The following RPTOR variants were observed in gnomAD, a reference collection of about 807,000 sequenced individuals.
RPTOR encodes regulatory associated protein of MTOR complex 1, also known as regulatory-associated protein of mTOR.
Under a neutral mutation model 169.9 loss-of-function variants are expected in RPTOR, and 21 were observed. That is an observed-to-expected ratio of 0.12 (90% CI 0.09 to 0.18). RPTOR has a LOEUF of 0.18. RPTOR is among the 10% of genes least tolerant of loss of function. RPTOR has a pLI of 1.00. For missense variants in RPTOR, 1,133 were observed against 1,855.9 expected, an observed-to-expected ratio of 0.61 and a Z score of 7.16; for synonymous variants, 732 against 753.2, an observed-to-expected ratio of 0.97 and a Z score of 0.46.
chr17:80,759,410 C>T (rs960640053), intron 6 of RPTOR, among the ~76,000 whole-genome samples: 5 of 152,062 alleles, frequency 3.3e-5, no homozygotes, highest in Non-Finnish European at 5.9e-5. Context: ...CAAACTGATA[C>T]AGTTACCATA....
At chr17:80,917,938 G>A (rs969231811) in intron 21 of RPTOR, among the ~76,000 whole-genome samples, 84 of 152,240 alleles carry the variant, frequency 5.5e-4, no homozygotes, top group Middle Eastern at 3.4e-3. Context: ...AGCCACGGGC[G>A]TGCACACCCT....
At position 80,760,300 on chromosome 17, in the gene RPTOR, C is replaced by CTTTTTTTTTTTT. The variant is rs1479994551; in HGVS notation, c.830+6121_830+6122insTTTTTTTTTTTT. ...GTGTTCCAGTCGAGCTTTCTTTTTT[C>CTTTTTTTTTTTT]TTTTTTCTTTTTTTTTTTTTTGAGA... On this transcript the variant is annotated intron_variant, in intron 6 of 33. Transcript: ENST00000306801. 3.6e-4 allele frequency among the ~76,000 whole-genome samples: 35 copies of CTTTTTTTTTTTT among 96,496 alleles called. 1 individual carries two copies. The highest frequency in any genetic ancestry group is 6.3e-4 in the East Asian group (2 of 3,182). The allele number at this position is 96,496 out of a possible 152,430, so 63.3% of individuals were successfully genotyped here.
intron 3 of RPTOR, among the ~76,000 whole-genome samples, chr17:80,666,380 CA>C (rs2143666125): frequency 6.6e-6 from 1 of 152,286 alleles, no homozygotes; most frequent in African/African-American, 2.4e-5. Context: ...AGTGCTAGGA[CA>C]AGCTACCGCT....
chr17:80,785,651 G>A (rs1240645658), intron 6 of RPTOR, among the ~76,000 whole-genome samples: 1 of 152,154 alleles, frequency 6.6e-6, no homozygotes, highest in East Asian at 1.9e-4. Flanking sequence ...CTACATTGCT[G>A]GAGGAATGTT....
chr17:80,617,742 G>A (rs1015525813), intron 1 of RPTOR, among the ~76,000 whole-genome samples: 4 of 152,114 alleles, frequency 2.6e-5, no homozygotes, highest in Admixed American at 2.6e-4. Flanking sequence ...GATTATCGAC[G>A]ACTAAAGAAC....
intron 5 of RPTOR, among the ~76,000 whole-genome samples, chr17:80,741,517 G>C (rs895128559): frequency 8.5e-5 from 13 of 152,242 alleles, no homozygotes; most frequent in African/African-American, 3.1e-4. Context: ...TGGAGCAGCT[G>C]TCTCCCGAGC....
At chr17:80,612,154 T>G (rs76704328) in intron 1 of RPTOR, among the ~76,000 whole-genome samples, 14,814 of 152,236 alleles carry the variant, frequency 0.097, 797 homozygotes, top group Middle Eastern at 0.13. Context: ...TTAAGGGAAG[T>G]GTTCTCACTC....
intron 2 of RPTOR, among the ~76,000 whole-genome samples, chr17:80,631,863 T>C (rs1293606037): frequency 6.6e-6 from 1 of 152,128 alleles, no homozygotes; most frequent in Non-Finnish European, 1.5e-5. Flanking sequence ...TGCTTGAGCT[T>C]GGGAGGTCGA....
intron 13 of RPTOR, among the ~76,000 whole-genome samples, chr17:80,859,906 G>A (rs2067898404): frequency 6.6e-6 from 1 of 152,242 alleles, no homozygotes; most frequent in Non-Finnish European, 1.5e-5. Context: ...TAGCTGCCAT[G>A]CGAGGGGCCG....
chr17:80,798,100 G>A (rs1283059440), intron 7 of RPTOR, among the ~76,000 whole-genome samples: 1 of 152,198 alleles, frequency 6.6e-6, no homozygotes, highest in Non-Finnish European at 1.5e-5. Context: ...CTGGGACCAG[G>A]GTGCTTGAGG....
chr17:80,737,562 G>T (rs1470570262), intron 5 of RPTOR, among the ~76,000 whole-genome samples: 2 of 152,158 alleles, frequency 1.3e-5, no homozygotes, highest in African/African-American at 4.8e-5. Context: ...ACCACTCCAG[G>T]CTTGGGCATG....
chr17:80,937,194 T>G (rs764977479), intron 24 of RPTOR, among the ~76,000 whole-genome samples: 1 of 152,150 alleles, frequency 6.6e-6, no homozygotes, highest in Non-Finnish European at 1.5e-5. Context: ...GAGCGTTTAA[T>G]GTGTTAGCGA....
At chr17:80,559,303 C>T (rs544722534) in intron 1 of RPTOR, among the ~76,000 whole-genome samples, 2 of 152,294 alleles carry the variant, frequency 1.3e-5, no homozygotes, top group Admixed American at 1.3e-4. Flanking sequence ...CTGTCATGCT[C>T]ATTTGATCCA....
At chr17:80,608,760 A>T (rs971810722) in intron 1 of RPTOR, among the ~76,000 whole-genome samples, 3 of 152,014 alleles carry the variant, frequency 2.0e-5, no homozygotes, top group African/African-American at 7.3e-5. Flanking sequence ...GCAGTAGCTG[A>T]CCGTGTTGGT....
intron 9 of RPTOR, among the ~76,000 whole-genome samples, chr17:80,827,250 AG>A (rs1186321210): frequency 6.6e-6 from 1 of 152,220 alleles, no homozygotes; most frequent in Non-Finnish European, 1.5e-5. Flanking sequence ...TAGAATTTGA[AG>A]GTGGAAACAG....
chr17:80,760,414 G>A (rs1349775681), intron 6 of RPTOR, among the ~76,000 whole-genome samples: 3 of 144,520 alleles, frequency 2.1e-5, no homozygotes, highest in African/African-American at 7.7e-5. Context: ...CGATTCTCCT[G>A]CCTCAGCCTC....
At chr17:80,824,399 G>A (rs1023705995) in intron 9 of RPTOR, among the ~76,000 whole-genome samples, 1 of 152,268 alleles carries the variant, frequency 6.6e-6, no homozygotes, top group East Asian at 1.9e-4. Flanking sequence ...AGCTGTAAAA[G>A]AGACAGGTGT....
chr17:80,739,910 T>C (rs962208831), intron 5 of RPTOR, among the ~76,000 whole-genome samples: 3 of 151,552 alleles, frequency 2.0e-5, no homozygotes, highest in Admixed American at 6.6e-5. Flanking sequence ...TAAAATAAAC[T>C]GAAAGCAGTC....
intron 6 of RPTOR, among the ~76,000 whole-genome samples, chr17:80,788,477 A>G (rs959412949): frequency 1.3e-5 from 2 of 152,140 alleles, no homozygotes; most frequent in Non-Finnish European, 2.9e-5. Flanking sequence ...AAATAAAAAT[A>G]AAAACACCAC....
Sources: gnomAD v4.1 joint callset for allele counts (sites outside exome capture counted in the v4.1 genomes callset) on GRCh38, gnomAD v4.1.1 for gene constraint, MANE v1.5 for transcripts, NCBI Gene and HGNC (gene_info 2026-07-23, HGNC 2026-07-21) for gene names.